DNAH7: variants seen among roughly 807,000 people sequenced by gnomAD.
The protein encoded by DNAH7 is axonemal beta dynein heavy chain 7.
A neutral mutation model predicts 444.6 loss-of-function variants in DNAH7; 397 were observed. The ratio of observed to expected loss-of-function variants is 0.89; its 90% CI spans 0.82 to 0.97. The LOEUF is 0.97. DNAH7 is among the 50% of genes least tolerant of loss of function. The probability of loss-of-function intolerance (pLI) is 0.00; values close to 1 mark genes in which losing one functional copy is unlikely to be tolerated. For synonymous variants in DNAH7, 1,636 were observed against 1,624.4 expected (o/e 1.01, Z -0.17); for missense variants, 4,902 against 4,800.8 (o/e 1.02, Z -0.62).
chr2:195,924,290 G>A (rs1284710455), intron 22 of DNAH7, among the ~76,000 whole-genome samples: 2 of 152,098 alleles, frequency 1.3e-5, no homozygotes, highest in African/African-American at 2.4e-5. Flanking sequence ...AAGAGAGATA[G>A]AAAGCAACAA....
rs966397203 is a variant in DNAH7 at position 195,923,759 on chromosome 2, C to T, written c.3661G>A (p.Val1221Ile). The T allele has an allele frequency of 3.7e-6, 6 of 1,613,946 alleles. No individual in the cohort carries two copies. The African/African-American group carries it at 8.0e-5, about 22-fold the overall frequency. ...GACAATTTGCCACGCACCAAAGTGA[C>T]AATATCATCAATTTGTCTGTTACAT... is the stretch of plus-strand genomic sequence containing the variant. The part of the protein sequence containing the change: ...KTCNRQIDDI[V>I]TLVRGKLSMQ... Residue 1221 changes from valine to isoleucine, a missense_variant, in exon 23 of 65, where the codon GTC (valine) becomes ATC (isoleucine). Transcript: ENST00000312428.
At chr2:195,994,481 G>A (rs16843660) in intron 12 of DNAH7, 25,379 of 506,594 alleles carry the variant, frequency 0.05, 803 homozygotes, top group African/African-American at 0.097. Flanking sequence ...TTGACCAATC[G>A]CCATGTCCTG....
intron 47 of DNAH7, among the ~76,000 whole-genome samples, chr2:195,837,905 G>A (rs1698463049): frequency 6.6e-6 from 1 of 152,092 alleles, no homozygotes; most frequent in South Asian, 2.1e-4. Flanking sequence ...AGCAAGGGAA[G>A]AGAAAACTCT....
chr2:196,050,724 A>G (rs568500968), intron 3 of DNAH7, among the ~76,000 whole-genome samples: 1 of 152,314 alleles, frequency 6.6e-6, no homozygotes, highest in East Asian at 1.9e-4. Context: ...TATAGTCAAA[A>G]TAATGAAAAA....
intron 54 of DNAH7, among the ~76,000 whole-genome samples, chr2:195,803,506 C>A (rs2124827289): frequency 6.6e-6 from 1 of 152,322 alleles, no homozygotes; most frequent in African/African-American, 2.4e-5. Flanking sequence ...GGTAAATGAA[C>A]CTGCGTTAGC....
At position 195,960,915 on chromosome 2, in the gene DNAH7, A is replaced by G. The variant is rs1470758286; in HGVS notation, c.2236T>C (p.Phe746Leu). 6.2e-7 allele frequency: 1 copy of G among 1,606,448 alleles called. No individual in the cohort carries two copies. Among genetic ancestry groups the G allele is most frequent in the Admixed American group, 1.7e-5 (1 of 59,520 alleles). ...GGATATACAGATGGTAGCCAACCAA[A>G]TGCTTCCTCTTCAGCATTAAACTGC... ...IEQFNAEEEA[F>L]GWLPSVYPQR... Residue 746 changes from phenylalanine to leucine, a missense_variant, in exon 18 of 65, where the codon TTT becomes CTT. Transcript: ENST00000312428.
chr2:195,915,308 G>C (rs1015651789), intron 24 of DNAH7, among the ~76,000 whole-genome samples: 1 of 152,172 alleles, frequency 6.6e-6, no homozygotes, highest in Non-Finnish European at 1.5e-5. Flanking sequence ...GGAGTTAGTT[G>C]TATTTATTGA....
At chr2:195,866,785 T>G (rs914447093) in intron 40 of DNAH7, among the ~76,000 whole-genome samples, 2 of 152,236 alleles carry the variant, frequency 1.3e-5, no homozygotes, top group Non-Finnish European at 2.9e-5. Context: ...CAGATATGGT[T>G]TGGCTGTGTT....
chr2:195,872,206 CTTTG>C, intron 40 of DNAH7, 40 bp downstream of exon 40: 1 of 1,443,268 alleles, frequency 6.9e-7, no homozygotes, highest in Non-Finnish European at 9.6e-7. Flanking sequence ...CATGGCAAAT[CTTTG>C]TTTCTCACAT....
chr2:195,984,569 C>A, intron 15 of DNAH7, 63 bp downstream of exon 15: 1 of 1,428,046 alleles, frequency 7.0e-7, no homozygotes, highest in Non-Finnish European at 9.8e-7. Flanking sequence ...ATTTGTTACT[C>A]CGCATTATTG....
intron 57 of DNAH7, among the ~76,000 whole-genome samples, chr2:195,789,020 T>C (rs886755443): frequency 6.6e-6 from 1 of 152,174 alleles, no homozygotes; most frequent in Non-Finnish European, 1.5e-5. Context: ...AACCATGCTC[T>C]CTAATGCCAT....
chr2:196,017,314 C>T (rs1019999494), intron 9 of DNAH7, among the ~76,000 whole-genome samples: 1 of 152,150 alleles, frequency 6.6e-6, no homozygotes, highest in Non-Finnish European at 1.5e-5. Context: ...CACTTGGCCC[C>T]AAAGTGCTTC....
intron 19 of DNAH7, among the ~76,000 whole-genome samples, chr2:195,939,006 G>A (rs975022884): frequency 3.9e-5 from 6 of 152,110 alleles, no homozygotes; most frequent in Non-Finnish European, 7.4e-5. Context: ...CTACCTGTGC[G>A]ACCTTAGATC....
intron 5 of DNAH7, among the ~76,000 whole-genome samples, chr2:196,037,134 A>T (rs1014674615): frequency 6.6e-6 from 1 of 152,198 alleles, no homozygotes. Flanking sequence ...TGCAGACACT[A>T]CTGATATCAA....
intron 15 of DNAH7, among the ~76,000 whole-genome samples, chr2:195,980,061 C>CAAAAAAAAAAAAAAAAAAAA (rs59664135): frequency 1.3e-5 from 1 of 75,062 alleles, no homozygotes; most frequent in African/African-American, 4.4e-5. Context: ...CAAACTAATA[C>CAAAAAAAAAAAAAAAAAAAA]AAAAAAAAAA....
At chr2:196,004,686 C>A (rs1006789102) in intron 10 of DNAH7, among the ~76,000 whole-genome samples, 4 of 151,966 alleles carry the variant, frequency 2.6e-5, no homozygotes, top group African/African-American at 9.7e-5. Context: ...GTGGCTCATG[C>A]CTGTAATAAT....
At chr2:196,006,482 G>T (rs1694381336) in intron 10 of DNAH7, among the ~76,000 whole-genome samples, 3 of 151,228 alleles carry the variant, frequency 2.0e-5, no homozygotes, top group Non-Finnish European at 4.4e-5. Flanking sequence ...AACACTACAT[G>T]ATAAAAAACC....
intron 12 of DNAH7, chr2:195,999,326 G>T (rs1358161789): frequency 4.5e-6 from 3 of 662,034 alleles, no homozygotes; most frequent in Non-Finnish European, 8.3e-6. Flanking sequence ...GTGAATATTC[G>T]CACAACCAGT....
intron 55 of DNAH7, among the ~76,000 whole-genome samples, chr2:195,799,021 T>C (rs1268005293): frequency 6.6e-5 from 10 of 152,118 alleles, no homozygotes; most frequent in African/African-American, 2.4e-4. Context: ...GTGCAAATAA[T>C]GTCAAAGAGT....
Sources: gnomAD v4.1 joint callset for allele counts (sites outside exome capture counted in the v4.1 genomes callset) on GRCh38, gnomAD v4.1.1 for gene constraint, MANE v1.5 for transcripts, NCBI Gene and HGNC (gene_info 2026-07-23, HGNC 2026-07-21) for gene names.